FAF1: variants seen among roughly 807,000 people sequenced by gnomAD.
The protein encoded by FAF1 is FAS-associated factor 1.
FAF1 carries 25 observed loss-of-function variants against 92.5 expected under a neutral mutation model. The ratio of observed to expected loss-of-function variants is 0.27; its 90% CI spans 0.20 to 0.38. FAF1 has a LOEUF of 0.38. FAF1 is among the 10% of genes least tolerant of loss of function. FAF1 has a pLI of 1.00. For synonymous variants in FAF1, 234 were observed against 273.2 expected, an observed-to-expected ratio of 0.86 and a Z score of 1.42; for missense variants, 636 against 793.3, an observed-to-expected ratio of 0.80 and a Z score of 2.38.
At chr1:50,574,718 A>G (rs1298655728) in intron 12 of FAF1, among the ~76,000 whole-genome samples, 4 of 152,120 alleles carry the variant, frequency 2.6e-5, no homozygotes. Context: ...ATAATTTTTC[A>G]TTAAAAATAT....
chr1:50,903,266 C>G (rs1001038106), intron 1 of FAF1, among the ~76,000 whole-genome samples: 3 of 152,104 alleles, frequency 2.0e-5, no homozygotes, highest in Admixed American at 2.0e-4. Flanking sequence ...TAACTAAAGC[C>G]TTCCTTAATT....
intron 1 of FAF1, among the ~76,000 whole-genome samples, chr1:50,882,631 A>AATAAATAAATAAATAAATAT (rs1644622193): frequency 1.3e-5 from 2 of 150,924 alleles, no homozygotes; most frequent in African/African-American, 2.4e-5. Flanking sequence ...TAAATAAATA[A>AATAAATAAATAAATAAATAT]ATAAATAAAT....
intron 8 of FAF1, among the ~76,000 whole-genome samples, chr1:50,598,970 CA>C (rs1184249083): frequency 2.8e-5 from 4 of 144,990 alleles, no homozygotes; most frequent in Admixed American, 6.9e-5. Context: ...AACTCCGTCT[CA>C]AAAAAAAAAG....
At chr1:50,676,177 C>G (rs1249659821) in intron 7 of FAF1, among the ~76,000 whole-genome samples, 1 of 151,104 alleles carries the variant, frequency 6.6e-6, no homozygotes, top group Non-Finnish European at 1.5e-5. Flanking sequence ...GAGGCCGAGG[C>G]CAGCAGATCA....
At chr1:50,555,393 G>A (rs1649527423) in intron 13 of FAF1, among the ~76,000 whole-genome samples, 1 of 151,838 alleles carries the variant, frequency 6.6e-6, no homozygotes, top group Non-Finnish European at 1.5e-5. Context: ...AATCTACAAG[G>A]AACTCAAACA....
chr1:50,913,367 A>G (rs1387029267), intron 1 of FAF1, among the ~76,000 whole-genome samples: 1 of 152,236 alleles, frequency 6.6e-6, no homozygotes, highest in Non-Finnish European at 1.5e-5. Context: ...AGGTACACCA[A>G]TAAGAAAATA....
chr1:50,817,263 T>C (rs775698639), intron 2 of FAF1, among the ~76,000 whole-genome samples: 56 of 152,302 alleles, frequency 3.7e-4, no homozygotes, highest in Middle Eastern at 6.8e-3. Context: ...AACAGACGGA[T>C]AAGCAAAATG....
chr1:50,678,166 T>C (rs1461718384), intron 7 of FAF1, among the ~76,000 whole-genome samples: 1 of 152,096 alleles, frequency 6.6e-6, no homozygotes, highest in Non-Finnish European at 1.5e-5. Flanking sequence ...TTCAATAGAG[T>C]ACAGTTGCCT....
At chr1:50,810,207 A>G (rs1410363787) in intron 2 of FAF1, among the ~76,000 whole-genome samples, 1 of 152,178 alleles carries the variant, frequency 6.6e-6, no homozygotes. Context: ...GTGAACCAAG[A>G]TTGCACCATT....
At chr1:50,783,371 A>C (rs565469049) in intron 4 of FAF1, among the ~76,000 whole-genome samples, 2 of 152,356 alleles carry the variant, frequency 1.3e-5, no homozygotes, top group African/African-American at 4.8e-5. Context: ...CCAGCATTAC[A>C]TCAATACCAA....
At chr1:50,597,445 T>C (rs952296881) in intron 8 of FAF1, among the ~76,000 whole-genome samples, 3 of 152,046 alleles carry the variant, frequency 2.0e-5, no homozygotes, top group African/African-American at 7.2e-5. Context: ...GATGCTTATA[T>C]ATAAAAAAAT....
intron 6 of FAF1, among the ~76,000 whole-genome samples, chr1:50,716,792 G>GC: frequency 6.6e-6 from 1 of 152,324 alleles, no homozygotes; most frequent in East Asian, 1.9e-4. Flanking sequence ...GGACCAACCA[G>GC]CAGGATGTGG....
At chr1:50,538,465 A>G (rs1485462220) in intron 14 of FAF1, among the ~76,000 whole-genome samples, 2 of 150,276 alleles carry the variant, frequency 1.3e-5, no homozygotes, top group Non-Finnish European at 3.0e-5. Context: ...GTTTTGTGTT[A>G]TGGCTTTGAT....
intron 18 of FAF1, among the ~76,000 whole-genome samples, chr1:50,449,427 T>A (rs1344616034): frequency 6.6e-6 from 1 of 152,142 alleles, no homozygotes; most frequent in Non-Finnish European, 1.5e-5. Flanking sequence ...CTGACTATAT[T>A]TGCTTTTGAT....
At chr1:50,707,964 C>G (rs148562845) in intron 6 of FAF1, among the ~76,000 whole-genome samples, 9 of 152,244 alleles carry the variant, frequency 5.9e-5, no homozygotes, top group African/African-American at 2.2e-4. Flanking sequence ...CGTGCGCCAC[C>G]ACGCCCAGTT....
chr1:50,919,874 T>TG (rs1644949504), intron 1 of FAF1, among the ~76,000 whole-genome samples: 1 of 151,744 alleles, frequency 6.6e-6, no homozygotes, highest in African/African-American at 2.4e-5. Context: ...AGAACAAGGG[T>TG]GGGAAAAAAG....
intron 6 of FAF1, among the ~76,000 whole-genome samples, chr1:50,733,283 C>T (rs1412526979): frequency 1.3e-5 from 2 of 152,132 alleles, no homozygotes; most frequent in African/African-American, 2.4e-5. Flanking sequence ...TGTCATCAAC[C>T]ATTACTGTAA....
intron 15 of FAF1, among the ~76,000 whole-genome samples, chr1:50,531,735 C>T (rs776783759): frequency 4.0e-5 from 6 of 151,840 alleles, no homozygotes; most frequent in Non-Finnish European, 5.9e-5. Context: ...ATGTATATAC[C>T]CTGGTTAAAA....
intron 1 of FAF1, among the ~76,000 whole-genome samples, chr1:50,926,832 C>CCATT (rs1175119960): frequency 6.6e-6 from 1 of 152,166 alleles, no homozygotes. Context: ...GTTCATAGTA[C>CCATT]CATTGTTGAC....
Sources: allele counts gnomAD v4.1 joint callset (sites outside exome capture counted in the v4.1 genomes callset), GRCh38; gene constraint gnomAD v4.1.1; transcripts MANE v1.5; gene names NCBI Gene and HGNC (gene_info 2026-07-23, HGNC 2026-07-21).